The following HNF1B variants were observed in gnomAD, a reference collection of about 807,000 sequenced individuals.
HNF1B encodes hepatocyte nuclear factor 1-beta.
Under a neutral mutation model 61.7 loss-of-function variants are expected in HNF1B, and 8 were observed. The observed-to-expected ratio is 0.13, with a 90% CI of 0.08 to 0.23. The LOEUF is 0.23. HNF1B is among the 10% of genes least tolerant of loss of function. HNF1B has a pLI of 1.00. For synonymous variants in HNF1B, 314 were observed against 287.7 expected (o/e 1.09, Z -0.93); for missense variants, 562 against 714.5 (o/e 0.79, Z 2.43).
At chr17:37,707,161 G>A (rs55771610) in intron 5 of HNF1B, among the ~76,000 whole-genome samples, 24,119 of 150,846 alleles carry the variant, frequency 0.16, 2,103 homozygotes, top group East Asian at 0.24. Context: ...TATCGCCAAG[G>A]CTGGAGTGCA....
At chr17:37,742,639 AG>A (rs2147588382) in intron 1 of HNF1B, among the ~76,000 whole-genome samples, 2 of 152,072 alleles carry the variant, frequency 1.3e-5, no homozygotes, top group South Asian at 4.2e-4. Flanking sequence ...CAACTCGGCG[AG>A]GGTCTCCGGC....
intron 4 of HNF1B, among the ~76,000 whole-genome samples, chr17:37,726,884 C>T (rs1457996125): frequency 6.6e-6 from 1 of 152,120 alleles, no homozygotes; most frequent in Admixed American, 6.5e-5. Context: ...AGAATAAGTC[C>T]CCCCTTCCCT....
chr17:37,697,287 C>G (rs1343010896), intron 8 of HNF1B, among the ~76,000 whole-genome samples: 1 of 152,214 alleles, frequency 6.6e-6, no homozygotes, highest in African/African-American at 2.4e-5. Flanking sequence ...TCATCCTCAT[C>G]ATCGCAGAAA....
At chr17:37,723,141 C>T (rs983616239) in intron 4 of HNF1B, among the ~76,000 whole-genome samples, 1 of 151,608 alleles carries the variant, frequency 6.6e-6, no homozygotes, top group African/African-American at 2.4e-5. Context: ...AGATGGAGAC[C>T]ATCCTGGCTA....
Position 37,704,990 on chromosome 17 carries a change from G to C in HNF1B, c.1266C>G (p.Leu422=). 1 of 1,614,036 alleles carries C rather than the reference G, an allele frequency of 6.2e-7. No homozygotes were observed. The highest frequency in any genetic ancestry group is 8.5e-7 in the Non-Finnish European group (1 of 1,179,908). ...PVSTLTNIHS[L]SHHNPQQSQN... ...GAGATTGCTGGGGATTATGGTGGGAGAGGCTGTGGATATTCGTCAAGGTGC... is the reference window on the plus strand; with the variant it reads ...GAGATTGCTGGGGATTATGGTGGGACAGGCTGTGGATATTCGTCAAGGTGC... Residue 422 remains leucine, a synonymous_variant, in exon 6 of 9, where the codon CTC becomes CTG. Transcript: ENST00000617811.
In HNF1B at chr17:37,687,335, C is replaced by T. The variant is rs1555818071; in HGVS notation, c.*37G>A. 6.2e-7 allele frequency: 1 copy of T among 1,614,040 alleles called. No homozygotes were observed. Among genetic ancestry groups the T allele is most frequent in the South Asian group, 1.1e-5 (1 of 91,078 alleles). Reference sequence around the variant, plus strand: ...AGGGTGATGGTGTGGAAAACAGGGTCCTTGTTGTTGCGCACGAAGTAAGTG... The same window carrying T: ...AGGGTGATGGTGTGGAAAACAGGGTTCTTGTTGTTGCGCACGAAGTAAGTG... On this transcript the variant is annotated 3_prime_UTR_variant, in exon 9 of 9. Transcript: ENST00000617811.
chr17:37,703,666 A>T (rs929034853), intron 6 of HNF1B, among the ~76,000 whole-genome samples: 2 of 152,206 alleles, frequency 1.3e-5, no homozygotes, highest in African/African-American at 4.8e-5. Flanking sequence ...ATTTAAAATG[A>T]TCATTTATAT....
At chr17:37,728,095 G>A (rs971871475) in intron 4 of HNF1B, among the ~76,000 whole-genome samples, 10 of 151,908 alleles carry the variant, frequency 6.6e-5, no homozygotes, top group East Asian at 1.9e-4. Context: ...CCCGCCTCCC[G>A]GGTTCAAGCG....
At chr17:37,705,280 G>A (rs986687504) in intron 5 of HNF1B, among the ~76,000 whole-genome samples, 1 of 149,272 alleles carries the variant, frequency 6.7e-6, no homozygotes, top group Non-Finnish European at 1.5e-5. Context: ...GACCAGCCTG[G>A]GCAACATGGT....
Position 37,710,495 on chromosome 17 carries a change from G to A in HNF1B, c.1206+8C>T, listed in dbSNP as rs2147473283. Reference sequence around the variant, plus strand: ...GCTCCAGAGCGACAATGGCCCAGGTGTACTCACCATTTTACCATCAGGTGA... The same window carrying A: ...GCTCCAGAGCGACAATGGCCCAGGTATACTCACCATTTTACCATCAGGTGA... On this transcript the variant is annotated splice_region_variant and intron_variant, in intron 5 of 8. Transcript: ENST00000617811. The A allele has an allele frequency of 6.2e-7, 1 of 1,614,140 alleles. No homozygotes were observed. Among genetic ancestry groups the A allele is most frequent in the Non-Finnish European group, 8.5e-7 (1 of 1,179,956 alleles).
intron 8 of HNF1B, among the ~76,000 whole-genome samples, chr17:37,694,052 C>T (rs2032294313): frequency 6.6e-6 from 1 of 152,210 alleles, no homozygotes; most frequent in South Asian, 2.1e-4. Flanking sequence ...TTTTAAGTTA[C>T]CCAGCCTCAG....
intron 4 of HNF1B, chr17:37,721,051 G>T (rs1323034584): frequency 7.5e-6 from 5 of 668,306 alleles, no homozygotes; most frequent in South Asian, 6.7e-5. Context: ...AACTCACATA[G>T]ACTTCACTGC....
intron 1 of HNF1B, among the ~76,000 whole-genome samples, chr17:37,742,341 C>CCGA (rs1168391247): frequency 6.6e-6 from 1 of 152,168 alleles, no homozygotes; most frequent in Admixed American, 6.5e-5. Flanking sequence ...GCGCGCAGTC[C>CCGA]CGACCTTCCT....
At chr17:37,731,296 T>G (rs1238157819) in intron 4 of HNF1B, 7 of 553,952 alleles carry the variant, frequency 1.3e-5, no homozygotes, top group Non-Finnish European at 2.0e-5. Flanking sequence ...CTCCTCAGTG[T>G]AGAATGACCG....
At chr17:37,744,387 G>A (rs2034101117) in intron 1 of HNF1B, among the ~76,000 whole-genome samples, 154 bp downstream of exon 1, 2 of 152,262 alleles carry the variant, frequency 1.3e-5, no homozygotes, top group African/African-American at 4.8e-5. Flanking sequence ...GATTGGGAAG[G>A]GTCCGGGTGT....
chr17:37,727,212 A>G (rs1460563989), intron 4 of HNF1B, among the ~76,000 whole-genome samples: 3 of 152,050 alleles, frequency 2.0e-5, no homozygotes, highest in African/African-American at 7.3e-5. Context: ...CTCTTGATTC[A>G]TCTCCAGAAG....
intron 8 of HNF1B, among the ~76,000 whole-genome samples, chr17:37,691,123 T>C (rs1480488090): frequency 6.6e-6 from 1 of 152,126 alleles, no homozygotes; most frequent in Non-Finnish European, 1.5e-5. Context: ...ATCAGCTGTG[T>C]CAGAGACAGA....
intron 6 of HNF1B, among the ~76,000 whole-genome samples, chr17:37,702,449 C>T (rs2032603443): frequency 6.6e-6 from 1 of 152,156 alleles, no homozygotes; most frequent in South Asian, 2.1e-4. Flanking sequence ...ACCCTCAGAA[C>T]AGCACTGTCT....
chr17:37,733,847 A>G (rs1297241217), intron 2 of HNF1B, 26 bp from the exon 3 acceptor site: 1 of 1,612,138 alleles, frequency 6.2e-7, no homozygotes, highest in Non-Finnish European at 8.5e-7. Context: ...AGTAGATTTG[A>G]TAGGGTCTGT....
Sources: allele counts gnomAD v4.1 joint callset (sites outside exome capture counted in the v4.1 genomes callset), GRCh38; gene constraint gnomAD v4.1.1; transcripts MANE v1.5; gene names NCBI Gene and HGNC (gene_info 2026-07-23, HGNC 2026-07-21).